Variants in GOLPH3 observed in about 807,000 individuals in gnomAD.
GOLPH3 encodes the protein coat protein GPP34.
A neutral mutation model predicts 28.5 loss-of-function variants in GOLPH3; 14 were observed. The ratio of observed to expected loss-of-function variants is 0.49; its 90% CI spans 0.32 to 0.77. The LOEUF is 0.77. Ranked by LOEUF, GOLPH3 falls within the 30% of genes least tolerant of loss-of-function variation. GOLPH3 has a pLI of 0.03. For synonymous variants in GOLPH3, 158 were observed against 159.2 expected, an observed-to-expected ratio of 0.99 and a Z score of 0.06; for missense variants, 350 against 393.7, an observed-to-expected ratio of 0.89 and a Z score of 0.94.
intron 1 of GOLPH3, among the ~76,000 whole-genome samples, chr5:32,151,667 A>G (rs1746310347): frequency 6.6e-6 from 1 of 152,130 alleles, no homozygotes; most frequent in African/African-American, 2.4e-5. Context: ...GCAAAAAGAA[A>G]CCCACCTAAT....
At chr5:32,133,189 G>A (rs531484507) in intron 3 of GOLPH3, among the ~76,000 whole-genome samples, 11 of 152,316 alleles carry the variant, frequency 7.2e-5, no homozygotes, top group South Asian at 6.2e-4. Flanking sequence ...TCTTTTCACT[G>A]CTTAATCAAG....
At chr5:32,157,025 T>C (rs1746446874) in intron 1 of GOLPH3, among the ~76,000 whole-genome samples, 1 of 152,204 alleles carries the variant, frequency 6.6e-6, no homozygotes, top group Non-Finnish European at 1.5e-5. Context: ...CAAGTTATGA[T>C]TACGTTTTAA....
intron 3 of GOLPH3, 123 bp from the exon 4 acceptor site, chr5:32,126,759 G>C (rs948240744): frequency 1.3e-6 from 1 of 747,804 alleles, no homozygotes; most frequent in Non-Finnish European, 2.1e-6. Flanking sequence ...AATCTGCCAT[G>C]TTTTTCTCCC....
chr5:32,128,981 C>A (rs1347271133), intron 3 of GOLPH3, among the ~76,000 whole-genome samples: 1 of 152,038 alleles, frequency 6.6e-6, no homozygotes, highest in Non-Finnish European at 1.5e-5. Flanking sequence ...GTAATCCCAG[C>A]ACTTTGGGAA....
rs978213227 is a variant in GOLPH3 at position 32,145,885 on chromosome 5, C to G, written c.226-2005G>C. On this transcript the variant is annotated intron_variant, in intron 1 of 3. Coordinates refer to ENST00000265070, the MANE Select transcript of GOLPH3 (RefSeq NM_022130.4). ...CTGTACCACAGCTTCTGGGACTCGT[C>G]AGCAATATTCCAAAGATAAATGAAG... Among the ~76,000 whole-genome samples, 14 of 152,242 alleles carry G rather than the reference C, an allele frequency of 9.2e-5. No homozygotes were observed. The East Asian group carries it at 2.7e-3, about 29-fold the overall frequency.
At chr5:32,161,766 G>A (rs1242591037) in intron 1 of GOLPH3, among the ~76,000 whole-genome samples, 1 of 151,114 alleles carries the variant, frequency 6.6e-6, no homozygotes, top group African/African-American at 2.5e-5. Flanking sequence ...GGTGGCTCAC[G>A]CCTGTAATCC....
chr5:32,166,920 T>C (rs538815485), intron 1 of GOLPH3, among the ~76,000 whole-genome samples: 3 of 151,786 alleles, frequency 2.0e-5, no homozygotes, highest in Non-Finnish European at 4.4e-5. Flanking sequence ...CATAGTTTTA[T>C]ACTATTTAAT....
chr5:32,158,024 ACAC>A lies in GOLPH3; in HGVS notation c.226-14147_226-14145del, dbSNP rs1561678682. Reference sequence around the variant, plus strand: ...AAATAAATAAATAAATAAATAAAATACACACACACACACACACACACACACACA... The same window carrying A: ...AAATAAATAAATAAATAAATAAAATAACACACACACACACACACACACACA... On this transcript the variant is annotated intron_variant, in intron 1 of 3. Coordinates refer to ENST00000265070, the MANE Select transcript of GOLPH3 (RefSeq NM_022130.4). Among the ~76,000 whole-genome samples, 20 of 9,234 alleles carry A rather than the reference ACAC, an allele frequency of 2.2e-3. 3 individuals are homozygous for A. Among genetic ancestry groups the A allele is most frequent in the South Asian group, 4.0e-3 (1 of 252 alleles). 6.1% of individuals were successfully genotyped at this position (9,234 alleles called of 152,430 possible).
chr5:32,131,825 T>C, intron 3 of GOLPH3, among the ~76,000 whole-genome samples: 1 of 152,220 alleles, frequency 6.6e-6, no homozygotes, highest in East Asian at 1.9e-4. Flanking sequence ...ACACTTATCT[T>C]CCTTGACATC....
Position 32,126,272 on chromosome 5 carries a change from T to C in GOLPH3, c.837A>G (p.Glu279=). The C allele has an allele frequency of 2.5e-6, 4 of 1,614,140 alleles. No individual in the cohort carries two copies. Among genetic ancestry groups the C allele is most frequent in the South Asian group, 1.1e-5 (1 of 91,076 alleles). The change falls in exon 4 of 4, where the codon GAA becomes GAG. Residue 279 remains glutamate, a synonymous_variant. Coordinates refer to ENST00000265070, the MANE Select transcript of GOLPH3 (RefSeq NM_022130.4). ...CCTCATTGGTGTTGGCCTTCAGACATTCCACTTCAGGGTCTAAGTCGAGAA... is the reference window on the plus strand; with the variant it reads ...CCTCATTGGTGTTGGCCTTCAGACACTCCACTTCAGGGTCTAAGTCGAGAA... The part of the protein sequence containing the change: ...RQLLDLDPEV[E]CLKANTNEVL...
At chr5:32,164,226 T>C (rs907483873) in intron 1 of GOLPH3, among the ~76,000 whole-genome samples, 7 of 152,200 alleles carry the variant, frequency 4.6e-5, no homozygotes, top group Admixed American at 1.3e-4. Flanking sequence ...TAATTTTCCA[T>C]AGTGACTTAT....
At position 32,153,085 on chromosome 5, in the gene GOLPH3, A is replaced by G. The variant is rs150309916; in HGVS notation, c.226-9205T>C. 4.5e-3 allele frequency among the ~76,000 whole-genome samples: 688 copies of G among 152,362 alleles called. 5 individuals are homozygous for G. Among genetic ancestry groups the G allele is most frequent in the African/African-American group, 0.016 (653 of 41,578 alleles). On this transcript the variant is annotated intron_variant, in intron 1 of 3. Transcript: ENST00000265070. ...TTGGAAACAACCCATAAATCCATCA[A>G]TAAGGGACTGGATGAATATACAAAG... is the stretch of plus-strand genomic sequence containing the variant.
chr5:32,125,169 T>C lies in GOLPH3; in HGVS notation c.*1043A>G, dbSNP rs1051581493. On this transcript the variant is annotated 3_prime_UTR_variant, in exon 4 of 4. Transcript: ENST00000265070. ...TGCTAGGACTGACATTTGATTTTTT[T>C]CCCCAAGAATGTGTGAGTAGATAAA... The C allele has an allele frequency of 1.3e-5, 2 of 152,598 alleles. No individual in the cohort carries two copies. The highest frequency in any genetic ancestry group is 2.9e-5 in the Non-Finnish European group (2 of 68,040). 9.5% of individuals were successfully genotyped at this position (152,598 alleles called of 1,614,324 possible).
intron 3 of GOLPH3, among the ~76,000 whole-genome samples, chr5:32,133,220 C>A (rs766020048): frequency 3.3e-5 from 5 of 152,136 alleles, no homozygotes; most frequent in Admixed American, 6.5e-5. Flanking sequence ...GCAACAGCAG[C>A]CATAGGTGAG....
chr5:32,141,746 C>T (rs1364225999), intron 2 of GOLPH3, among the ~76,000 whole-genome samples: 5 of 152,148 alleles, frequency 3.3e-5, no homozygotes, highest in South Asian at 2.1e-4. Context: ...CGATTGCAGG[C>T]GCGCGCCGCC....
intron 1 of GOLPH3, among the ~76,000 whole-genome samples, chr5:32,157,322 C>T (rs1458539670): frequency 6.6e-6 from 1 of 152,196 alleles, no homozygotes; most frequent in African/African-American, 2.4e-5. Context: ...TTTCCCTCAT[C>T]CCCACCCAGC....
At chr5:32,141,111 C>T (rs1446520371) in intron 2 of GOLPH3, among the ~76,000 whole-genome samples, 3 of 148,936 alleles carry the variant, frequency 2.0e-5, no homozygotes, top group Non-Finnish European at 4.4e-5. Context: ...TGCAGTGAGC[C>T]GAGATCACGC....
At chr5:32,141,774 G>A (rs925450281) in intron 2 of GOLPH3, among the ~76,000 whole-genome samples, 4 of 152,064 alleles carry the variant, frequency 2.6e-5, no homozygotes, top group Admixed American at 6.5e-5. Flanking sequence ...ACTGGTTTTC[G>A]TATTTTTTTG....
intron 1 of GOLPH3, among the ~76,000 whole-genome samples, chr5:32,155,416 C>G (rs1746398043): frequency 6.6e-6 from 1 of 152,082 alleles, no homozygotes; most frequent in African/African-American, 2.4e-5. Flanking sequence ...AAATTCCTGG[C>G]TTTAAGCAAT....
Sources: gnomAD v4.1 joint callset for allele counts (sites outside exome capture counted in the v4.1 genomes callset) on GRCh38, gnomAD v4.1.1 for gene constraint, MANE v1.5 for transcripts, NCBI Gene and HGNC (gene_info 2026-07-23, HGNC 2026-07-21) for gene names.